The following TAF4B variants were observed in gnomAD, a reference collection of about 807,000 sequenced individuals.
The protein encoded by TAF4B is TATA-box binding protein associated factor 4b, also known as transcription initiation factor TFIID subunit 4B.
Under a neutral mutation model 86.4 loss-of-function variants are expected in TAF4B, and 38 were observed. The observed-to-expected ratio is 0.44, with a 90% CI of 0.34 to 0.58. The LOEUF (loss-of-function observed/expected upper bound fraction) is 0.58, where lower values mean the gene tolerates loss of function less well. Among genes scored for constraint, TAF4B ranks in the 20% least tolerant of loss-of-function variants. The pLI, the probability that TAF4B is intolerant of heterozygous loss-of-function variation, is 0.02. For synonymous variants in TAF4B, 388 were observed against 391.2 expected, an observed-to-expected ratio of 0.99 and a Z score of 0.10; for missense variants, 988 against 1,027.6, an observed-to-expected ratio of 0.96 and a Z score of 0.53.
chr18:26,318,319 GA>G (rs1370641812), intron 10 of TAF4B, among the ~76,000 whole-genome samples: 3 of 151,558 alleles, frequency 2.0e-5, no homozygotes, highest in Admixed American at 6.6e-5. Context: ...GAATAATATG[GA>G]AAACTTCAAG....
intron 14 of TAF4B, among the ~76,000 whole-genome samples, chr18:26,364,334 T>C (rs1311558176): frequency 6.6e-6 from 1 of 152,084 alleles, no homozygotes; most frequent in Non-Finnish European, 1.5e-5. Context: ...TACTTTGAAA[T>C]GTGTCCTTTC....
intron 14 of TAF4B, among the ~76,000 whole-genome samples, chr18:26,382,687 A>G (rs187556480): frequency 9.9e-5 from 15 of 152,282 alleles, no homozygotes; most frequent in African/African-American, 3.4e-4. Context: ...TTCACTGTTT[A>G]TTCATATAAG....
intron 1 of TAF4B, among the ~76,000 whole-genome samples, chr18:26,256,732 A>G (rs576910763): frequency 6.7e-6 from 1 of 149,152 alleles, no homozygotes; most frequent in Non-Finnish European, 1.5e-5. Context: ...TCTCAAAAGT[A>G]TTTTCTAGTT....
intron 9 of TAF4B, chr18:26,295,187 A>G (rs73946361): frequency 0.012 from 4,865 of 397,578 alleles, 199 homozygotes; most frequent in African/African-American, 0.093. Context: ...TGTACATTTT[A>G]TTTGTAGGTC....
chr18:26,272,271 G>C (rs966133923), intron 3 of TAF4B, among the ~76,000 whole-genome samples: 2 of 152,160 alleles, frequency 1.3e-5, no homozygotes, highest in African/African-American at 4.8e-5. Flanking sequence ...TGCAGTTCAC[G>C]AGAAGGTTCA....
chr18:26,323,071 G>A lies in TAF4B; in HGVS notation c.2133+1871G>A, dbSNP rs540631341. On this transcript the variant is annotated intron_variant, in intron 11 of 14. Transcript: ENST00000269142. ...TTCCTTTTGTTGTTGGTTTCTAGCTGTATTCCGTTGTGGTCAGAGAAGATA... is the reference window on the plus strand; with the variant it reads ...TTCCTTTTGTTGTTGGTTTCTAGCTATATTCCGTTGTGGTCAGAGAAGATA... 9.5e-4 allele frequency among the ~76,000 whole-genome samples: 144 copies of A among 152,254 alleles called. 1 individual carries two copies. The highest frequency in any genetic ancestry group is 6.3e-4 in the Non-Finnish European group (43 of 68,012).
intron 5 of TAF4B, 128 bp from the exon 6 acceptor site, chr18:26,281,843 A>G (rs529453769): frequency 3.2e-6 from 2 of 624,342 alleles, no homozygotes; most frequent in African/African-American, 1.8e-5. Context: ...CATGAAGAAA[A>G]AAGCCTATAT....
intron 1 of TAF4B, among the ~76,000 whole-genome samples, chr18:26,240,369 G>T (rs1358220283): frequency 6.6e-6 from 1 of 152,170 alleles, no homozygotes; most frequent in African/African-American, 2.4e-5. Flanking sequence ...GTTCCCTCAG[G>T]ATTTGGCTCT....
At chr18:26,229,850 C>A (rs1331384059) in intron 1 of TAF4B, among the ~76,000 whole-genome samples, 1 of 152,006 alleles carries the variant, frequency 6.6e-6, no homozygotes, top group Admixed American at 6.6e-5. Context: ...CACTTGATTA[C>A]ACAAGGGTGC....
chr18:26,265,671 C>T (rs945122519), intron 2 of TAF4B, among the ~76,000 whole-genome samples: 7 of 152,170 alleles, frequency 4.6e-5, no homozygotes, highest in African/African-American at 1.7e-4. Context: ...AGATAATCCT[C>T]CTGCCTCAGG....
intron 5 of TAF4B, among the ~76,000 whole-genome samples, chr18:26,279,559 A>AAAACAAC (rs2056422393): frequency 6.6e-6 from 1 of 151,030 alleles, no homozygotes; most frequent in Admixed American, 6.6e-5. Context: ...AAAAAAAAAA[A>AAAACAAC]AACAACAACA....
chr18:26,260,321 A>G (rs2056146309), intron 1 of TAF4B, among the ~76,000 whole-genome samples: 1 of 152,114 alleles, frequency 6.6e-6, no homozygotes, highest in African/African-American at 2.4e-5. Flanking sequence ...TTTTGTTGCC[A>G]TTGCTTTTGG....
chr18:26,260,984 T>C (rs1196126944), intron 1 of TAF4B, among the ~76,000 whole-genome samples: 1 of 152,120 alleles, frequency 6.6e-6, no homozygotes, highest in Non-Finnish European at 1.5e-5. Context: ...TTTCTTTACA[T>C]GTCATAGCTT....
chr18:26,357,306 A>C (rs948750727), intron 13 of TAF4B, among the ~76,000 whole-genome samples: 1 of 152,236 alleles, frequency 6.6e-6, no homozygotes, highest in Non-Finnish European at 1.5e-5. Context: ...AATGTACAAA[A>C]ACTGTCTTTA....
At chr18:26,355,515 T>C (rs941083532) in intron 13 of TAF4B, among the ~76,000 whole-genome samples, 3 of 152,356 alleles carry the variant, frequency 2.0e-5, no homozygotes, top group Admixed American at 2.0e-4. Context: ...TTGAGAAAGC[T>C]TGTTATAAAT....
intron 1 of TAF4B, among the ~76,000 whole-genome samples, chr18:26,244,735 T>C (rs2055896547): frequency 6.6e-6 from 1 of 152,176 alleles, no homozygotes; most frequent in South Asian, 2.1e-4. Flanking sequence ...GAAATTATCC[T>C]TATAAGAGAA....
At chr18:26,278,729 T>C (rs932058234) in intron 5 of TAF4B, among the ~76,000 whole-genome samples, 4 of 152,002 alleles carry the variant, frequency 2.6e-5, no homozygotes, top group African/African-American at 7.2e-5. Context: ...CTTTGCACCA[T>C]GTGTGCAAAC....
chr18:26,275,014 A>C lies in TAF4B; in HGVS notation c.843A>C (p.Glu281Asp). The change falls in exon 5 of 15, where the codon GAA (glutamate) becomes GAC (aspartate). Residue 281 changes from glutamate to aspartate, a missense_variant. This residue lies in a region of TAF4B where 747 missense variants were observed against 737.9 expected (regional missense o/e 1.01). Transcript: ENST00000269142. ...KLACSGSQSPEMGQNVKKLVE... is the reference protein window; with the variant it reads ...KLACSGSQSPDMGQNVKKLVE... Reference sequence around the variant, plus strand: ...CATGTAGTGGATCACAGTCCCCAGAAATGGGGCAAAATGTGAAGAAGCTGG... The same window carrying C: ...CATGTAGTGGATCACAGTCCCCAGACATGGGGCAAAATGTGAAGAAGCTGG... 1.2e-6 allele frequency: 2 copies of C among 1,611,472 alleles called. No homozygotes were observed. The highest frequency in any genetic ancestry group is 1.7e-6 in the Non-Finnish European group (2 of 1,179,692).
At chr18:26,314,554 G>A (rs1037430094) in intron 9 of TAF4B, among the ~76,000 whole-genome samples, 16 of 152,120 alleles carry the variant, frequency 1.1e-4, no homozygotes, top group Non-Finnish European at 1.9e-4. Context: ...TGAGGATGTG[G>A]TTTAACGAAT....
Sources: gnomAD v4.1 joint callset for allele counts (sites outside exome capture counted in the v4.1 genomes callset) on GRCh38, gnomAD v4.1.1 for gene constraint, gnomAD v4.1.1 regional missense constraint, MANE v1.5 for transcripts, NCBI Gene and HGNC (gene_info 2026-07-23, HGNC 2026-07-21) for gene names.